The following NCALD variants were observed in gnomAD, a reference collection of about 807,000 sequenced individuals.
NCALD encodes neurocalcin-delta.
NCALD carries 10 observed loss-of-function variants against 18.6 expected under a neutral mutation model. The observed-to-expected ratio is 0.54, with a 90% CI of 0.33 to 0.91. NCALD has a LOEUF of 0.91. Among genes scored for constraint, NCALD ranks in the 40% least tolerant of loss-of-function variants. The pLI is 0.03. For synonymous variants in NCALD, 88 were observed against 87.4 expected (o/e 1.01, Z -0.04); for missense variants, 184 against 247.6 (o/e 0.74, Z 1.72).
chr8:101,767,861 A>G (rs1811415428), intron 1 of NCALD, among the ~76,000 whole-genome samples: 1 of 151,836 alleles, frequency 6.6e-6, no homozygotes, highest in Non-Finnish European at 1.5e-5. Context: ...GCCACTCTTC[A>G]CTCCTGGTGT....
intron 2 of NCALD, among the ~76,000 whole-genome samples, chr8:101,922,211 T>G (rs1050195939): frequency 6.6e-6 from 1 of 151,278 alleles, no homozygotes; most frequent in African/African-American, 2.4e-5. Context: ...AAAAAAGTGC[T>G]TGGTTAAATG....
At chr8:101,925,737 T>A (rs1818314994) in intron 2 of NCALD, among the ~76,000 whole-genome samples, 2 of 152,030 alleles carry the variant, frequency 1.3e-5, no homozygotes, top group Non-Finnish European at 2.9e-5. Flanking sequence ...TCAATAAATA[T>A]GTAATAAATA....
chr8:102,023,358 A>T (rs1278957688), intron 1 of NCALD, among the ~76,000 whole-genome samples: 3 of 152,266 alleles, frequency 2.0e-5, no homozygotes, highest in African/African-American at 7.2e-5. Flanking sequence ...TTTAGAACGA[A>T]AACTCATTTA....
chr8:101,965,647 G>C (rs985952184), intron 2 of NCALD, among the ~76,000 whole-genome samples: 1 of 152,190 alleles, frequency 6.6e-6, no homozygotes, highest in East Asian at 1.9e-4. Flanking sequence ...ATAGCATTAG[G>C]AGAAATATCT....
At position 101,815,022 on chromosome 8, in the gene NCALD, T is replaced by A. The variant is rs570972885; in HGVS notation, c.-20+72119A>T. Reference sequence around the variant, plus strand: ...TGTTTATGGATAGGAAGACTCAATATTGTCAAGATGTCAGTTCTTCCTAAC... The same window carrying A: ...TGTTTATGGATAGGAAGACTCAATAATGTCAAGATGTCAGTTCTTCCTAAC... On this transcript the variant is annotated intron_variant, in intron 4 of 6. Transcript: ENST00000311028. Among the ~76,000 whole-genome samples, 29 of 152,268 alleles carry A rather than the reference T, an allele frequency of 1.9e-4. No individual in the cohort carries two copies. The South Asian group carries it at 5.6e-3, about 29-fold the overall frequency.
intron 4 of NCALD, among the ~76,000 whole-genome samples, chr8:101,883,753 A>G (rs1403758870): frequency 1.3e-5 from 2 of 152,216 alleles, no homozygotes; most frequent in Non-Finnish European, 2.9e-5. Context: ...AAAGACCCAT[A>G]CTACTTACTT....
In NCALD at chr8:101,754,337, G is replaced by A. The variant is rs149131459; in HGVS notation, c.-19-34689C>T. On this transcript the variant is annotated intron_variant, in intron 1 of 3. Transcript: ENST00000220931. ...ACAACAGCTCTACAAGTTGGGTATT[G>A]TCTTAGTCTATTGGTGCTGCTATAA... Among the ~76,000 whole-genome samples, 614 of 152,274 alleles carry A rather than the reference G, an allele frequency of 4.0e-3. 8 individuals carry two copies. The highest frequency in any genetic ancestry group is 0.014 in the African/African-American group (568 of 41,564).
At chr8:101,838,687 A>T (rs1449968749) in intron 4 of NCALD, among the ~76,000 whole-genome samples, 1 of 152,242 alleles carries the variant, frequency 6.6e-6, no homozygotes, top group Non-Finnish European at 1.5e-5. Context: ...CATGAAATAA[A>T]TTTTGGTGCT....
intron 3 of NCALD, among the ~76,000 whole-genome samples, chr8:101,912,286 A>G (rs936633618): frequency 6.6e-6 from 1 of 152,034 alleles, no homozygotes; most frequent in Non-Finnish European, 1.5e-5. Context: ...TGAAAAAAAA[A>G]TTAAGTCATG....
intron 2 of NCALD, among the ~76,000 whole-genome samples, chr8:101,983,932 A>G (rs1586869298): frequency 6.6e-6 from 1 of 152,188 alleles, no homozygotes; most frequent in South Asian, 2.1e-4. Flanking sequence ...GTGGCTTCCC[A>G]GGGTGCTTTC....
intron 1 of NCALD, among the ~76,000 whole-genome samples, chr8:101,724,599 T>G (rs180741337): frequency 6.7e-4 from 102 of 152,238 alleles, no homozygotes; most frequent in Non-Finnish European, 1.8e-4. Flanking sequence ...AGCTCTGGCA[T>G]TCAGTCAGGG....
chr8:102,032,329 T>A (rs1822703505), intron 1 of NCALD, among the ~76,000 whole-genome samples: 10 of 152,126 alleles, frequency 6.6e-5, no homozygotes. Context: ...GAGTTCCCTG[T>A]AACCAGATGA....
intron 1 of NCALD, among the ~76,000 whole-genome samples, chr8:102,041,113 G>C (rs562563146): frequency 1.3e-4 from 20 of 152,290 alleles, no homozygotes; most frequent in African/African-American, 4.8e-4. Context: ...GGAGAAAATA[G>C]CATATCTGAG....
chr8:101,740,534 G>A (rs889878003), intron 1 of NCALD, among the ~76,000 whole-genome samples: 3 of 152,192 alleles, frequency 2.0e-5, no homozygotes, highest in African/African-American at 7.2e-5. Flanking sequence ...CAGAGCAGAG[G>A]CTCAGAAAGG....
At chr8:101,967,982 T>A (rs1442968583) in intron 2 of NCALD, among the ~76,000 whole-genome samples, 1 of 152,072 alleles carries the variant, frequency 6.6e-6, no homozygotes, top group Non-Finnish European at 1.5e-5. Context: ...GACACCCAGA[T>A]CACTAGCCAT....
chr8:101,883,803 T>C (rs1364794521), intron 4 of NCALD, among the ~76,000 whole-genome samples: 1 of 152,258 alleles, frequency 6.6e-6, no homozygotes, highest in African/African-American at 2.4e-5. Flanking sequence ...TATTTCCTTA[T>C]TGGCATATTA....
chr8:102,099,562 A>G (rs962781559), intron 1 of NCALD, among the ~76,000 whole-genome samples: 3 of 152,170 alleles, frequency 2.0e-5, no homozygotes, highest in South Asian at 4.1e-4. Flanking sequence ...TGTTCCCACA[A>G]TAATGAAGTT....
chr8:101,722,984 CAG>C (rs1332600871), intron 1 of NCALD, among the ~76,000 whole-genome samples: 1 of 152,184 alleles, frequency 6.6e-6, no homozygotes, highest in Non-Finnish European at 1.5e-5. Flanking sequence ...GGACATTTGA[CAG>C]AGTTTCATTC....
chr8:101,917,945 T>G (rs1408145554), intron 2 of NCALD, among the ~76,000 whole-genome samples: 1 of 152,048 alleles, frequency 6.6e-6, no homozygotes, highest in Admixed American at 6.6e-5. Flanking sequence ...TTCCAAATAA[T>G]CGAGGAGAAA....
Sources: allele counts gnomAD v4.1 joint callset (sites outside exome capture counted in the v4.1 genomes callset), GRCh38; gene constraint gnomAD v4.1.1; transcripts MANE v1.5; gene names NCBI Gene and HGNC (gene_info 2026-07-23, HGNC 2026-07-21).